AKT1: variants seen among roughly 807,000 people sequenced by gnomAD.
The protein encoded by AKT1 is RAC-alpha serine/threonine-protein kinase.
AKT1 carries 21 observed loss-of-function variants against 63.1 expected under a neutral mutation model. The observed-to-expected ratio is 0.33, with a 90% CI of 0.24 to 0.48. The LOEUF is 0.48. Ranked by LOEUF, AKT1 falls within the 20% of genes least tolerant of loss-of-function variation. The pLI is 0.99. For synonymous variants in AKT1, 257 were observed against 253.1 expected (o/e 1.02, Z -0.15); for missense variants, 382 against 666.0 (o/e 0.57, Z 4.69).
chr14:104,780,306 G>C (rs1231632393), intron 3 of AKT1, 90 bp from the exon 4 acceptor site: 2 of 1,528,650 alleles, frequency 1.3e-6, no homozygotes, highest in Non-Finnish European at 1.8e-6. Flanking sequence ...TGCCAGGACA[G>C]ATGTGCCTGG....
intron 4 of AKT1, chr14:104,777,817 A>G: frequency 1.4e-6 from 1 of 695,332 alleles, no homozygotes. Flanking sequence ...CCTGGGGGCC[A>G]GGAGGGGGCT....
rs1286698308 is a variant in AKT1 at position 104,773,095 on chromosome 14, G to A, written c.958-3C>T. On this transcript the variant is annotated splice_region_variant and splice_polypyrimidine_tract_variant and intron_variant, in intron 11 of 14. Coordinates refer to ENST00000649815, the MANE Select transcript of AKT1 (RefSeq NM_001382430.1). ...CCGTAGTCATTGTCCTCCAGCACCTGCACGGGTGGCAGATGGGCAGGACTC... is the reference window on the plus strand; with the variant it reads ...CCGTAGTCATTGTCCTCCAGCACCTACACGGGTGGCAGATGGGCAGGACTC... 4 of 1,613,592 alleles carry A rather than the reference G, an allele frequency of 2.5e-6. No individual in the cohort carries two copies. The Admixed American group carries it at 6.7e-5, about 27-fold the overall frequency.
intron 3 of AKT1, among the ~76,000 whole-genome samples, chr14:104,789,305 G>A (rs566373250): frequency 4.6e-5 from 7 of 152,344 alleles, no homozygotes; most frequent in East Asian, 1.9e-4. Flanking sequence ...ACGGGGGGAC[G>A]CTCAGGAAGA....
chr14:104,771,580 G>A (rs372624026), intron 13 of AKT1: 10 of 232,924 alleles, frequency 4.3e-5, no homozygotes, highest in South Asian at 1.8e-4. Context: ...AGGCAGGAAC[G>A]GGGACCAGGA....
At chr14:104,775,588 C>A in intron 6 of AKT1, 64 bp downstream of exon 6, 1 of 1,570,798 alleles carries the variant, frequency 6.4e-7, no homozygotes, top group Non-Finnish European at 8.7e-7. Context: ...GACCCCATGA[C>A]CCACCCAGCC....
At chr14:104,771,412 G>A (rs940111834) in intron 13 of AKT1, 4 of 232,210 alleles carry the variant, frequency 1.7e-5, no homozygotes. Context: ...CCACAGTCAA[G>A]GACCCCCTCA....
At chr14:104,773,648 G>A (rs1162905971) in intron 9 of AKT1, 68 bp from the exon 10 acceptor site, 3 of 1,546,846 alleles carry the variant, frequency 1.9e-6, no homozygotes, top group Non-Finnish European at 2.6e-6. Flanking sequence ...GCAGGGCTGG[G>A]GTTTCTCAGA....
At chr14:104,775,951 G>T in intron 5 of AKT1, 152 bp from the exon 6 acceptor site, 1 of 876,514 alleles carries the variant, frequency 1.1e-6, no homozygotes, top group Non-Finnish European at 1.7e-6. Context: ...ACCTGGTCTG[G>T]CCACATACAC....
chr14:104,772,077 A>G, intron 13 of AKT1: 1 of 538,870 alleles, frequency 1.9e-6, no homozygotes, highest in East Asian at 3.1e-5. Context: ...TGGCACTCAG[A>G]GTGTGACACA....
chr14:104,788,588 C>T (rs1268481959), intron 3 of AKT1, among the ~76,000 whole-genome samples: 1 of 152,214 alleles, frequency 6.6e-6, no homozygotes, highest in Non-Finnish European at 1.5e-5. Flanking sequence ...TGAGCAGCAG[C>T]TGGGGATGCA....
In AKT1 at chr14:104,773,491, C is replaced by T. The variant is rs1487193981; in HGVS notation, c.792G>A (p.Leu264=). The T allele has an allele frequency of 6.2e-7, 1 of 1,613,772 alleles. No individual in the cohort carries two copies. Among genetic ancestry groups the T allele is most frequent in the Non-Finnish European group, 8.5e-7 (1 of 1,179,864 alleles). ...GAEIVSALDY[L]HSEKNVVYRD... ...GGTACACCACGTTCTTCTCCGAGTG[C>T]AGGTAGTCCAGGGCTGACACAATCT... The change falls in exon 10 of 15, where the codon CTG becomes CTA. Residue 264 remains leucine (L), a synonymous_variant. Coordinates refer to ENST00000649815, the MANE Select transcript of AKT1 (RefSeq NM_001382430.1).
At chr14:104,784,011 A>G (rs929596024) in intron 3 of AKT1, among the ~76,000 whole-genome samples, 2 of 151,274 alleles carry the variant, frequency 1.3e-5, no homozygotes, top group African/African-American at 2.4e-5. Context: ...TTCCTGCCCC[A>G]TGGCTGGTCC....
intron 4 of AKT1, chr14:104,777,325 CCTGGGGCACACATACAT>C (rs1046300287): frequency 3.2e-5 from 7 of 221,482 alleles, no homozygotes; most frequent in East Asian, 1.7e-4. Context: ...CACAGCCACA[CCTGGGGCACACATACAT>C]CTGGGGCACA....
intron 3 of AKT1, among the ~76,000 whole-genome samples, chr14:104,788,730 G>T (rs1218573584): frequency 1.3e-5 from 2 of 152,196 alleles, no homozygotes; most frequent in Non-Finnish European, 2.9e-5. Context: ...GTGGGAAGGA[G>T]GCCCAGCCTA....
At chr14:104,777,267 A>ACCCACACCT (rs1892773103) in intron 4 of AKT1, 4 of 208,544 alleles carry the variant, frequency 1.9e-5, no homozygotes, top group Admixed American at 6.2e-5. Context: ...CCTGGGGCAC[A>ACCCACACCT]GGCACACCTG....
At chr14:104,772,010 CT>C (rs1892415217) in intron 13 of AKT1, 1 of 446,338 alleles carries the variant, frequency 2.2e-6, no homozygotes, top group Non-Finnish European at 4.1e-6. Context: ...GGCAGCACCC[CT>C]GGTCCACCAC....
intron 3 of AKT1, among the ~76,000 whole-genome samples, chr14:104,784,509 C>T (rs1291944432): frequency 1.3e-5 from 2 of 152,200 alleles, no homozygotes; most frequent in Admixed American, 6.5e-5. Context: ...GGTGGCCCTC[C>T]GGCAGGAGTG....
chr14:104,792,814 T>A, intron 2 of AKT1, 92 bp from the exon 3 acceptor site: 1 of 760,814 alleles, frequency 1.3e-6, no homozygotes. Context: ...TGCACGTGCC[T>A]GGGGGCTCCA....
At chr14:104,778,481 G>C (rs978885972) in intron 4 of AKT1, 1 of 152,310 alleles carries the variant, frequency 6.6e-6, no homozygotes, top group Non-Finnish European at 1.5e-5. Context: ...GAAGAGCCAG[G>C]GAAGGAGACC....
Sources: gnomAD v4.1 joint callset for allele counts (sites outside exome capture counted in the v4.1 genomes callset) on GRCh38, gnomAD v4.1.1 for gene constraint, MANE v1.5 for transcripts, NCBI Gene and HGNC (gene_info 2026-07-23, HGNC 2026-07-21) for gene names.